MED13: variants seen among roughly 807,000 people sequenced by gnomAD.
MED13 encodes mediator of RNA polymerase II transcription subunit 13.
MED13 carries 23 observed loss-of-function variants against 225.2 expected under a neutral mutation model. The observed-to-expected ratio is 0.10, with a 90% CI of 0.07 to 0.14. MED13 has a LOEUF of 0.14. Among genes scored for constraint, MED13 ranks in the 10% least tolerant of loss-of-function variants. MED13 has a pLI of 1.00. For synonymous variants in MED13, 942 were observed against 889.2 expected, an observed-to-expected ratio of 1.06 and a Z score of -1.06; for missense variants, 2,197 against 2,594.5, an observed-to-expected ratio of 0.85 and a Z score of 3.33.
intron 3 of MED13, among the ~76,000 whole-genome samples, chr17:62,049,683 G>A (rs28435233): frequency 0.021 from 3,158 of 152,286 alleles, 108 homozygotes; most frequent in African/African-American, 0.072. Context: ...TGTAATCCCA[G>A]CACTTGGGGA....
In MED13 at chr17:61,965,752, T is replaced by C. The variant is rs141205613; in HGVS notation, c.4382-284A>G. 5.9e-5 allele frequency among the ~76,000 whole-genome samples: 9 copies of C among 152,326 alleles called. No individual in the cohort carries two copies. The East Asian group carries it at 1.7e-3, about 29-fold the overall frequency. ...ATTCTATTTTCTAAGTATAATTAAA[T>C]GTAAAAAAGGTATCTAGCAATATTC... is the stretch of plus-strand genomic sequence containing the variant. On this transcript the variant is annotated intron_variant, in intron 19 of 29. Transcript: ENST00000397786.
In MED13 at chr17:62,011,116, C is replaced by G. The variant is rs2080504429; in HGVS notation, c.1401G>C (p.Lys467Asn). 1.9e-6 allele frequency: 3 copies of G among 1,614,156 alleles called. No individual in the cohort carries two copies. The highest frequency in any genetic ancestry group is 2.5e-6 in the Non-Finnish European group (3 of 1,180,010). The change falls in exon 9 of 30, where the codon AAG (lysine) becomes AAC (asparagine). Residue 467 changes from lysine (K) to asparagine (N), a missense_variant. By Grantham distance (94) the Lys-to-Asn change is moderately conservative. Coordinates refer to ENST00000397786, the MANE Select transcript of MED13 (RefSeq NM_005121.3). ...KTNEKQEKSE[K>N]PQKRPLTPFH... The stretch of plus-strand genomic sequence containing the variant: ...AAGGAGTCAAGGGGCGTTTCTGTGG[C>G]TTTTCACTCTTTTCTTGCTTCTCAT...
chr17:62,036,146 G>A (rs1035758150), intron 3 of MED13, among the ~76,000 whole-genome samples: 8 of 150,858 alleles, frequency 5.3e-5, no homozygotes, highest in African/African-American at 9.8e-5. Context: ...AAATAAAGGC[G>A]GACAACAGAA....
At chr17:61,990,536 AT>A (rs1293890978) in intron 11 of MED13, among the ~76,000 whole-genome samples, 2 of 151,162 alleles carry the variant, frequency 1.3e-5, no homozygotes, top group African/African-American at 2.4e-5. Flanking sequence ...TGTTAAAAAA[AT>A]GTAAATATAT....
At position 62,010,850 on chromosome 17, in the gene MED13, T is replaced by C; in HGVS notation, c.1667A>G (p.Gln556Arg). The C allele has an allele frequency of 6.2e-7, 1 of 1,614,258 alleles. No individual in the cohort carries two copies. The highest frequency in any genetic ancestry group is 8.5e-7 in the Non-Finnish European group (1 of 1,180,046). ...TGGCATTTGATAAAAATGTTGACTC[T>C]GAGGAGTTGAAGGTGTTTTAGTCAC... Reference protein sequence around the residue: ...EGVTKTPSTPQSQHFYQMPTP... With the variant: ...EGVTKTPSTPRSQHFYQMPTP... Residue 556 changes from glutamine (Q) to arginine (R), a missense_variant, in exon 9 of 30, where the codon CAG becomes CGG. Around this residue, in one of 12 missense-constraint regions of MED13, gnomAD observed 884 missense variants for 918.5 expected, o/e 0.96. Coordinates refer to ENST00000397786, the MANE Select transcript of MED13 (RefSeq NM_005121.3).
chr17:62,028,474 C>CTT (rs771459262), intron 8 of MED13, among the ~76,000 whole-genome samples: 9 of 152,036 alleles, frequency 5.9e-5, no homozygotes, highest in South Asian at 2.1e-4. Context: ...ACAAAATAAT[C>CTT]TATACAGCAA....
intron 17 of MED13, among the ~76,000 whole-genome samples, chr17:61,970,732 T>TG (rs904885544): frequency 7.4e-5 from 11 of 148,822 alleles, no homozygotes; most frequent in Non-Finnish European, 1.5e-4. Flanking sequence ...TTAGGTTTTT[T>TG]TTTTTTTTTT....
chr17:61,960,005 G>A (rs560826185), intron 23 of MED13, among the ~76,000 whole-genome samples: 1 of 152,234 alleles, frequency 6.6e-6, no homozygotes, highest in South Asian at 2.1e-4. Flanking sequence ...GGGATTACAA[G>A]CAGGAGCCAC....
At position 61,995,146 on chromosome 17, in the gene MED13, T is replaced by C. The variant is rs765084793; in HGVS notation, c.2181+6A>G. 4 of 1,605,458 alleles carry C rather than the reference T, an allele frequency of 2.5e-6. No individual in the cohort carries two copies. The East Asian group carries it at 8.9e-5, about 36-fold the overall frequency. On this transcript the variant is annotated splice_donor_region_variant and intron_variant, in intron 10 of 29. Transcript: ENST00000397786. Reference sequence around the variant, plus strand: ...TGACCCTTTGGTGTACTGTGATTTCTCTTACCTTGTGTTTTTTTCCAGCTT... The same window carrying C: ...TGACCCTTTGGTGTACTGTGATTTCCCTTACCTTGTGTTTTTTTCCAGCTT...
At chr17:62,001,987 A>G (rs1377355907) in intron 9 of MED13, among the ~76,000 whole-genome samples, 1 of 152,230 alleles carries the variant, frequency 6.6e-6, no homozygotes, top group Non-Finnish European at 1.5e-5. Flanking sequence ...ATTAACTGCT[A>G]AACATTTAAA....
intron 9 of MED13, among the ~76,000 whole-genome samples, chr17:61,999,107 C>A (rs1324948980): frequency 6.6e-6 from 1 of 152,048 alleles, no homozygotes. Context: ...TCACAGACTT[C>A]TTTCTGTGAA....
intron 3 of MED13, among the ~76,000 whole-genome samples, chr17:62,048,158 C>A (rs1421841711): frequency 6.7e-6 from 1 of 148,948 alleles, no homozygotes; most frequent in Non-Finnish European, 1.5e-5. Context: ...GTAATCCCAG[C>A]ACTTTGGGAG....
rs1161127450 is a variant in MED13, at chr17:61,992,559, A to G, written c.2244T>C (p.Phe748=). The change falls in exon 11 of 30, where the codon TTT becomes TTC. Residue 748 remains phenylalanine, a synonymous_variant. Transcript: ENST00000397786. ...LSHEEDAMSL[F]SPSIKQDAPR... ...TTTTACCTTGCTTGATAGAGGGACT[A>G]AATAATGACATAGCATCTTCTTCAT... is the stretch of plus-strand genomic sequence containing the variant. 11 of 1,610,296 alleles carry G rather than the reference A, an allele frequency of 6.8e-6. No homozygotes were observed. The East Asian group carries it at 2.0e-4, about 29-fold the overall frequency.
Position 62,065,276 on chromosome 17 carries a change from G to A in MED13, c.-71C>T, listed in dbSNP as rs915931817. Reference sequence around the variant, plus strand: ...CATTACCGCCGCCTCCGACCAGAGAGAGAAACACAGACACCGGGGAGGGCC... The same window carrying A: ...CATTACCGCCGCCTCCGACCAGAGAAAGAAACACAGACACCGGGGAGGGCC... On this transcript the variant is annotated 5_prime_UTR_variant, in exon 1 of 30. Coordinates refer to ENST00000397786, the MANE Select transcript of MED13 (RefSeq NM_005121.3). 81 of 657,792 alleles carry A rather than the reference G, an allele frequency of 1.2e-4. No homozygotes were observed. In the Admixed American group the frequency reaches 1.9e-3, roughly 16 times the overall value. The allele number at this position is 657,792 out of a possible 1,614,324, so 40.7% of individuals were successfully genotyped here. A position where few individuals can be genotyped will look rare whatever the true frequency, so the allele number is the denominator to read the frequency against.
chr17:62,033,179 TA>T (rs766426119), intron 5 of MED13, among the ~76,000 whole-genome samples: 3 of 151,608 alleles, frequency 2.0e-5, no homozygotes, highest in Non-Finnish European at 4.4e-5. Flanking sequence ...ATTAAATAAA[TA>T]ATAAAAAAAT....
At chr17:61,965,582 G>T in intron 19 of MED13, 114 bp from the exon 20 acceptor site, 3 of 1,081,926 alleles carry the variant, frequency 2.8e-6, no homozygotes, top group South Asian at 1.7e-5. Flanking sequence ...GGTAATTATA[G>T]CCCCGAAATT....
chr17:62,000,239 G>A (rs1001394570), intron 9 of MED13, among the ~76,000 whole-genome samples: 1 of 152,074 alleles, frequency 6.6e-6, no homozygotes. Context: ...TTCTCCTACC[G>A]TAATTTTCTA....
chr17:62,054,180 C>T (rs2080978709), intron 2 of MED13, among the ~76,000 whole-genome samples: 1 of 151,576 alleles, frequency 6.6e-6, no homozygotes, highest in Admixed American at 6.6e-5. Flanking sequence ...CATAGTGCAG[C>T]CCTGTAATCC....
rs184750806 is a variant in MED13 at position 61,961,115 on chromosome 17, T to C, written c.5257-25A>G. The C allele has an allele frequency of 9.2e-4, 1,371 of 1,484,544 alleles. 5 individuals are homozygous for C. The highest frequency in any genetic ancestry group is 1.2e-3 in the Non-Finnish European group (1,233 of 1,070,488). The allele number at this position is 1,484,544 out of a possible 1,614,324, so 92.0% of individuals were successfully genotyped here. A position where few individuals can be genotyped will look rare whatever the true frequency, so the allele number is the denominator to read the frequency against. Reference sequence around the variant, plus strand: ...TCTATAAAATAAAAAATTAAGGTATTATCATACTATACAATCTTAGAGAAA... The same window carrying C: ...TCTATAAAATAAAAAATTAAGGTATCATCATACTATACAATCTTAGAGAAA... On this transcript the variant is annotated intron_variant, in intron 22 of 29. Transcript: ENST00000397786.
Sources: allele counts gnomAD v4.1 joint callset (sites outside exome capture counted in the v4.1 genomes callset), GRCh38; gene constraint gnomAD v4.1.1; regional missense constraint gnomAD v4.1.1; transcripts MANE v1.5; gene names NCBI Gene and HGNC (gene_info 2026-07-23, HGNC 2026-07-21).